The following DLG2 variants were observed in gnomAD, a reference collection of about 807,000 sequenced individuals.
DLG2 encodes the protein disks large homolog 2.
In DLG2, 45 loss-of-function variants were observed where a neutral mutation model predicts 132.5. The observed-to-expected ratio is 0.34, with a 90% CI of 0.27 to 0.44. The LOEUF (loss-of-function observed/expected upper bound fraction) is 0.44, where lower values mean the gene tolerates loss of function less well. Ranked by LOEUF, DLG2 falls within the 20% of genes least tolerant of loss-of-function variation. DLG2 has a pLI of 1.00. For synonymous variants in DLG2, 424 were observed against 419.6 expected, an observed-to-expected ratio of 1.01 and a Z score of -0.13; for missense variants, 1,045 against 1,196.9, an observed-to-expected ratio of 0.87 and a Z score of 1.87.
chr11:84,205,460 T>A (rs2096652901), intron 8 of DLG2, among the ~76,000 whole-genome samples: 2 of 151,858 alleles, frequency 1.3e-5, no homozygotes, highest in South Asian at 4.1e-4. Context: ...AAAACACTCA[T>A]CAAGTAAGAC....
chr11:85,494,585 C>T (rs2093630710), intron 3 of DLG2, among the ~76,000 whole-genome samples: 1 of 151,860 alleles, frequency 6.6e-6, no homozygotes, highest in Admixed American at 6.6e-5. Context: ...ATGCTGCTGA[C>T]ATACATTTTA....
intron 10 of DLG2, among the ~76,000 whole-genome samples, chr11:84,098,052 T>TTTTTTTTTTTG (rs59428675): frequency 1.3e-5 from 2 of 150,078 alleles, no homozygotes; most frequent in Admixed American, 6.7e-5. Context: ...TTTTTTTTTT[T>TTTTTTTTTTTG]CTTTTTTGCT....
intron 6 of DLG2, among the ~76,000 whole-genome samples, chr11:84,681,048 G>A (rs2099728256): frequency 6.6e-6 from 1 of 152,160 alleles, no homozygotes; most frequent in South Asian, 2.1e-4. Context: ...ATATCTATTA[G>A]AACAGCACTG....
intron 7 of DLG2, among the ~76,000 whole-genome samples, chr11:84,474,980 T>C (rs1286682736): frequency 6.6e-6 from 1 of 152,094 alleles, no homozygotes; most frequent in East Asian, 1.9e-4. Flanking sequence ...TGAAAAACAA[T>C]CCATCAGCCA....
intron 3 of DLG2, among the ~76,000 whole-genome samples, chr11:85,430,939 T>G: frequency 6.6e-6 from 1 of 151,594 alleles, no homozygotes; most frequent in African/African-American, 2.4e-5. Context: ...ACCACTGTAT[T>G]TCAGCATGAG....
intron 6 of DLG2, among the ~76,000 whole-genome samples, chr11:84,751,852 G>T (rs778819339): frequency 6.6e-6 from 1 of 152,126 alleles, no homozygotes; most frequent in Non-Finnish European, 1.5e-5. Flanking sequence ...GATTGGCAAA[G>T]AAAAAATTAG....
chr11:84,673,375 T>C (rs904720515), intron 6 of DLG2, among the ~76,000 whole-genome samples: 1 of 151,686 alleles, frequency 6.6e-6, no homozygotes, highest in South Asian at 2.1e-4. Context: ...AGAAAGATTA[T>C]AGACTTTGGA....
intron 6 of DLG2, among the ~76,000 whole-genome samples, chr11:84,586,699 T>C (rs1593017410): frequency 6.6e-6 from 1 of 152,148 alleles, no homozygotes; most frequent in South Asian, 2.1e-4. Flanking sequence ...TTGACTTTTT[T>C]GATTGATTAG....
At chr11:84,963,883 G>A (rs1214231701) in intron 6 of DLG2, among the ~76,000 whole-genome samples, 1 of 152,068 alleles carries the variant, frequency 6.6e-6, no homozygotes, top group Admixed American at 6.6e-5. Flanking sequence ...TTTACACAGG[G>A]GAAACGGGAG....
intron 2 of DLG2, among the ~76,000 whole-genome samples, chr11:85,613,534 G>A (rs1459746371): frequency 6.6e-6 from 1 of 152,162 alleles, no homozygotes; most frequent in Non-Finnish European, 1.5e-5. Context: ...ATAGCTAAAG[G>A]ATTGTAAATG....
chr11:84,969,327 G>A (rs2053751161), intron 6 of DLG2, among the ~76,000 whole-genome samples: 1 of 152,156 alleles, frequency 6.6e-6, no homozygotes, highest in South Asian at 2.1e-4. Context: ...GTGGCTGGGA[G>A]TGCTGTGTCT....
In DLG2 at chr11:84,968,938, C is replaced by T. The variant is rs367896017; in HGVS notation, c.357+142723G>A. 2.6e-4 allele frequency among the ~76,000 whole-genome samples: 40 copies of T among 152,038 alleles called. No homozygotes were observed. The East Asian group carries it at 6.2e-3, about 24-fold the overall frequency. On this transcript the variant is annotated intron_variant, in intron 6 of 27. Coordinates refer to ENST00000376104, the MANE Select transcript of DLG2 (RefSeq NM_001142699.3). ...TTTTACCCTTCATCTTTAGTTCTTT[C>T]GGAAAAATAGTTCTCTGCTGGAGCA... is the stretch of plus-strand genomic sequence containing the variant.
chr11:85,407,346 G>C (rs1190779769), intron 3 of DLG2, among the ~76,000 whole-genome samples: 1 of 151,812 alleles, frequency 6.6e-6, no homozygotes. Flanking sequence ...CCTTAAAATT[G>C]CTATCAATTC....
chr11:85,497,724 T>G (rs1047854068), intron 3 of DLG2, among the ~76,000 whole-genome samples: 5 of 152,160 alleles, frequency 3.3e-5, no homozygotes, highest in Non-Finnish European at 7.4e-5. Flanking sequence ...GACTAAAAGC[T>G]GATCTCTCGG....
chr11:84,049,220 T>G lies in DLG2; in HGVS notation c.919+10095A>C, dbSNP rs190306127. Reference sequence around the variant, plus strand: ...TTTAAGTTAGATATTTAATAAATTCTCATCTATAATATCAGATGCAAGTCA... The same window carrying G: ...TTTAAGTTAGATATTTAATAAATTCGCATCTATAATATCAGATGCAAGTCA... On this transcript the variant is annotated intron_variant, in intron 11 of 27. Coordinates refer to ENST00000376104, the MANE Select transcript of DLG2 (RefSeq NM_001142699.3). 6.6e-5 allele frequency among the ~76,000 whole-genome samples: 10 copies of G among 151,958 alleles called. No individual in the cohort carries two copies. The East Asian group carries it at 1.9e-3, about 29-fold the overall frequency.
intron 6 of DLG2, among the ~76,000 whole-genome samples, chr11:85,012,383 G>C (rs1441813242): frequency 1.3e-5 from 2 of 148,212 alleles, no homozygotes; most frequent in East Asian, 4.1e-4. Flanking sequence ...AATTCGCTGG[G>C]TGTGGTGGTA....
intron 21 of DLG2, among the ~76,000 whole-genome samples, chr11:83,517,612 T>C (rs2095341698): frequency 6.6e-6 from 1 of 152,214 alleles, no homozygotes. Context: ...TCTTAGAATT[T>C]TCAGTTTTTC....
At chr11:83,676,030 T>A (rs188318731) in intron 18 of DLG2, among the ~76,000 whole-genome samples, 1 of 152,246 alleles carries the variant, frequency 6.6e-6, no homozygotes, top group East Asian at 1.9e-4. Flanking sequence ...CCCACCACCA[T>A]CCCATCCTAA....
chr11:84,593,884 T>C (rs1017143791), intron 6 of DLG2, among the ~76,000 whole-genome samples: 2 of 152,252 alleles, frequency 1.3e-5, no homozygotes, highest in African/African-American at 4.8e-5. Context: ...CATTAGCATA[T>C]TGAAGACTGA....
Sources: gnomAD v4.1 joint callset for allele counts (sites outside exome capture counted in the v4.1 genomes callset) on GRCh38, gnomAD v4.1.1 for gene constraint, MANE v1.5 for transcripts, NCBI Gene and HGNC (gene_info 2026-07-23, HGNC 2026-07-21) for gene names.